GALNTL6: variants seen among roughly 807,000 people sequenced by gnomAD.
GALNTL6 encodes the protein polypeptide N-acetylgalactosaminyltransferase-like 6.
In GALNTL6, 46 loss-of-function variants were observed where a neutral mutation model predicts 73.7. The ratio of observed to expected loss-of-function variants is 0.62; its 90% CI spans 0.49 to 0.80. The LOEUF (loss-of-function observed/expected upper bound fraction) is 0.80, where lower values mean the gene tolerates loss of function less well. GALNTL6 is among the 30% of genes least tolerant of loss of function. GALNTL6 has a pLI of 0.00. For synonymous variants in GALNTL6, 259 were observed against 263.7 expected, an observed-to-expected ratio of 0.98 and a Z score of 0.17; for missense variants, 604 against 755.0, an observed-to-expected ratio of 0.80 and a Z score of 2.34.
At chr4:172,450,661 C>T (rs1732177632) in intron 5 of GALNTL6, among the ~76,000 whole-genome samples, 1 of 152,204 alleles carries the variant, frequency 6.6e-6, no homozygotes, top group Non-Finnish European at 1.5e-5. Context: ...AACCTCATTC[C>T]TTTTCTCTCC....
chr4:172,068,620 T>G (rs2110895191), intron 2 of GALNTL6, among the ~76,000 whole-genome samples: 1 of 110,226 alleles, frequency 9.1e-6, no homozygotes, highest in Middle Eastern at 4.5e-3. Context: ...CCAGTCGCTC[T>G]TTATTCCATC....
chr4:172,966,246 G>C (rs890457803), intron 10 of GALNTL6, among the ~76,000 whole-genome samples: 2 of 152,258 alleles, frequency 1.3e-5, no homozygotes, highest in African/African-American at 4.8e-5. Context: ...TGATAACTAA[G>C]AGTGGCCTCT....
chr4:172,004,848 T>A (rs947615923), intron 2 of GALNTL6, among the ~76,000 whole-genome samples: 9 of 151,852 alleles, frequency 5.9e-5, no homozygotes, highest in African/African-American at 2.2e-4. Flanking sequence ...TTTTGTTTCT[T>A]GGAAAGTTAC....
At chr4:172,305,331 G>C (rs1363875852) in intron 3 of GALNTL6, among the ~76,000 whole-genome samples, 2 of 151,952 alleles carry the variant, frequency 1.3e-5, no homozygotes, top group Admixed American at 1.3e-4. Flanking sequence ...CAATTTTTCT[G>C]CTTAATACTT....
intron 5 of GALNTL6, among the ~76,000 whole-genome samples, chr4:172,748,118 G>GA (rs1332010074): frequency 6.6e-6 from 1 of 152,040 alleles, no homozygotes; most frequent in African/African-American, 2.4e-5. Context: ...ATAATATTAA[G>GA]AATTAAAATA....
At chr4:173,006,326 A>G (rs1752288465) in intron 10 of GALNTL6, among the ~76,000 whole-genome samples, 1 of 152,124 alleles carries the variant, frequency 6.6e-6, no homozygotes, top group Admixed American at 6.5e-5. Context: ...ATGGCCCAAG[A>G]ATGAAAAGAA....
chr4:172,750,436 A>G (rs1737358628), intron 5 of GALNTL6, among the ~76,000 whole-genome samples: 1 of 152,184 alleles, frequency 6.6e-6, no homozygotes, highest in Non-Finnish European at 1.5e-5. Context: ...TGCCACTTCA[A>G]ATGATGCCAA....
intron 5 of GALNTL6, among the ~76,000 whole-genome samples, chr4:172,569,414 G>T (rs1441761492): frequency 6.6e-6 from 1 of 152,090 alleles, no homozygotes; most frequent in Non-Finnish European, 1.5e-5. Flanking sequence ...CGTTATTTTG[G>T]GGGGACACAA....
chr4:172,730,246 G>T (rs539967557), intron 5 of GALNTL6, among the ~76,000 whole-genome samples: 1 of 152,148 alleles, frequency 6.6e-6, no homozygotes, highest in East Asian at 1.9e-4. Flanking sequence ...AATTGTTCTG[G>T]CCAGGACTTC....
At chr4:171,936,605 C>T (rs1017043036) in intron 2 of GALNTL6, among the ~76,000 whole-genome samples, 6 of 152,106 alleles carry the variant, frequency 3.9e-5, no homozygotes, top group Admixed American at 3.9e-4. Context: ...TGCAAGTTAA[C>T]AGTACCATTC....
intron 5 of GALNTL6, among the ~76,000 whole-genome samples, chr4:172,774,818 G>A (rs1046956760): frequency 2.0e-5 from 3 of 152,000 alleles, no homozygotes. Context: ...AAATTAGCTG[G>A]GCGTGGCAGC....
At chr4:171,979,267 G>A (rs1180884367) in intron 2 of GALNTL6, among the ~76,000 whole-genome samples, 1 of 152,058 alleles carries the variant, frequency 6.6e-6, no homozygotes, top group Non-Finnish European at 1.5e-5. Flanking sequence ...TTTACCTTCG[G>A]TGTTTTCCCA....
chr4:172,612,590 T>C (rs557031925), intron 5 of GALNTL6, among the ~76,000 whole-genome samples: 3 of 152,176 alleles, frequency 2.0e-5, no homozygotes, highest in Non-Finnish European at 2.9e-5. Flanking sequence ...AAATGGGTGT[T>C]CTCATTTTTT....
At chr4:172,873,093 A>G (rs1388334046) in intron 7 of GALNTL6, among the ~76,000 whole-genome samples, 1 of 152,250 alleles carries the variant, frequency 6.6e-6, no homozygotes, top group African/African-American at 2.4e-5. Flanking sequence ...GGCTAAAATT[A>G]TTAACCCAAG....
intron 7 of GALNTL6, among the ~76,000 whole-genome samples, chr4:172,838,864 C>T (rs746708903): frequency 3.3e-5 from 5 of 152,090 alleles, no homozygotes; most frequent in Non-Finnish European, 5.9e-5. Context: ...CGCAGGTAAT[C>T]AGGTTAACCC....
At chr4:172,178,806 T>TC (rs1222876795) in intron 2 of GALNTL6, among the ~76,000 whole-genome samples, 1 of 77,754 alleles carries the variant, frequency 1.3e-5, no homozygotes, top group Non-Finnish European at 2.4e-5. Context: ...CCCTCCCCCC[T>TC]CCCCCCACCC....
At chr4:172,201,430 C>A (rs1402019352) in intron 2 of GALNTL6, among the ~76,000 whole-genome samples, 1 of 151,798 alleles carries the variant, frequency 6.6e-6, no homozygotes, top group Non-Finnish European at 1.5e-5. Context: ...TGGTCTTGAT[C>A]TCCTGACCTC....
intron 5 of GALNTL6, among the ~76,000 whole-genome samples, chr4:172,627,392 G>C (rs1325476421): frequency 6.6e-6 from 1 of 152,098 alleles, no homozygotes; most frequent in Non-Finnish European, 1.5e-5. Flanking sequence ...GATTCAACTT[G>C]CAAGTGTTTT....
chr4:172,188,698 G>C (rs1356870286), intron 2 of GALNTL6, among the ~76,000 whole-genome samples: 4 of 152,212 alleles, frequency 2.6e-5, no homozygotes, highest in South Asian at 4.1e-4. Context: ...ATGATAGTGA[G>C]GCAGTCGCCA....
Sources: allele counts gnomAD v4.1 joint callset (sites outside exome capture counted in the v4.1 genomes callset), GRCh38; gene constraint gnomAD v4.1.1; transcripts MANE v1.5; gene names NCBI Gene and HGNC (gene_info 2026-07-23, HGNC 2026-07-21).